KIF6: variants seen among roughly 807,000 people sequenced by gnomAD.
The protein encoded by KIF6 is kinesin family member 6.
A neutral mutation model predicts 112.7 loss-of-function variants in KIF6; 106 were observed. That is an observed-to-expected ratio of 0.94 (90% CI 0.80 to 1.11). The LOEUF (loss-of-function observed/expected upper bound fraction) is 1.11. Ranked by LOEUF, KIF6 falls within the 50% of genes least tolerant of loss-of-function variation. The pLI is 0.00. For missense variants in KIF6, 929 were observed against 964.0 expected, an observed-to-expected ratio of 0.96 and a Z score of 0.48; for synonymous variants, 339 against 339.9, an observed-to-expected ratio of 1.00 and a Z score of 0.03.
chr6:39,589,612 C>A (rs555108416), intron 7 of KIF6, among the ~76,000 whole-genome samples: 1 of 152,276 alleles, frequency 6.6e-6, no homozygotes, highest in Non-Finnish European at 1.5e-5. Flanking sequence ...AAGCAGACAG[C>A]CCTATGTGGG....
intron 5 of KIF6, among the ~76,000 whole-genome samples, chr6:39,620,750 T>TTTTA (rs71543964): frequency 0.041 from 6,118 of 148,606 alleles, 192 homozygotes; most frequent in African/African-American, 0.075. Flanking sequence ...CTTAACAACA[T>TTTTA]TTTATTTATT....
At chr6:39,676,919 C>T (rs909353918) in intron 3 of KIF6, among the ~76,000 whole-genome samples, 12 of 151,690 alleles carry the variant, frequency 7.9e-5, no homozygotes, top group South Asian at 2.1e-4. Flanking sequence ...ACCACTAAAT[C>T]GACTAAAACT....
Position 39,335,542 on chromosome 6 carries a change from C to G in KIF6, c.*990G>C, listed in dbSNP as rs1397133090. The G allele has an allele frequency of 6.6e-6, 1 of 151,198 alleles. No individual in the cohort carries two copies. The highest frequency in any genetic ancestry group is 1.5e-5 in the Non-Finnish European group (1 of 67,816). The allele number at this position is 151,198 out of a possible 1,614,324, so 9.4% of individuals were successfully genotyped here. ...AGAGACACCAGGAGCAGTGGACCAG[C>G]ACTTTTATCCAGTTAGCTTCATTTC... On this transcript the variant is annotated 3_prime_UTR_variant, in exon 23 of 23. Transcript: ENST00000287152.
intron 7 of KIF6, among the ~76,000 whole-genome samples, chr6:39,586,702 T>G (rs1781658268): frequency 6.6e-6 from 1 of 152,148 alleles, no homozygotes; most frequent in Non-Finnish European, 1.5e-5. Context: ...GATTGGAAAA[T>G]TTGTATGAAA....
At chr6:39,585,299 C>A (rs1025441718) in intron 8 of KIF6, among the ~76,000 whole-genome samples, 1 of 152,150 alleles carries the variant, frequency 6.6e-6, no homozygotes, top group African/African-American at 2.4e-5. Flanking sequence ...GAGCGGGCAA[C>A]CTAGATCCCT....
intron 19 of KIF6, among the ~76,000 whole-genome samples, chr6:39,355,420 GT>G (rs1490940386): frequency 1.3e-5 from 2 of 149,278 alleles, no homozygotes; most frequent in African/African-American, 4.9e-5. Flanking sequence ...CCTGGTTGGT[GT>G]TGAGGGCTCA....
intron 4 of KIF6, among the ~76,000 whole-genome samples, chr6:39,637,723 T>G (rs1310226959): frequency 1.3e-5 from 2 of 152,078 alleles, no homozygotes; most frequent in Non-Finnish European, 2.9e-5. Context: ...AACTTCATGA[T>G]GCACTTCAAG....
intron 13 of KIF6, among the ~76,000 whole-genome samples, chr6:39,489,483 A>T (rs529276896): frequency 7.9e-5 from 12 of 152,262 alleles, no homozygotes; most frequent in African/African-American, 2.9e-4. Flanking sequence ...AGGGATAAAG[A>T]TGCAAATTTC....
At chr6:39,708,653 C>T (rs982886597) in intron 3 of KIF6, among the ~76,000 whole-genome samples, 4 of 152,116 alleles carry the variant, frequency 2.6e-5, no homozygotes, top group Non-Finnish European at 5.9e-5. Flanking sequence ...TTCCTACACC[C>T]CAAGCTTTTA....
chr6:39,689,506 T>TAAG (rs1267057215), intron 3 of KIF6, among the ~76,000 whole-genome samples: 1 of 151,618 alleles, frequency 6.6e-6, no homozygotes, highest in Non-Finnish European at 1.5e-5. Flanking sequence ...CAAAAAATAG[T>TAAG]AATAATAATA....
At chr6:39,567,936 A>T (rs1236099264) in intron 10 of KIF6, among the ~76,000 whole-genome samples, 1 of 152,186 alleles carries the variant, frequency 6.6e-6, no homozygotes, top group Non-Finnish European at 1.5e-5. Context: ...CTATCAACAG[A>T]GGCTGGTCCT....
At chr6:39,693,591 A>G (rs1788351345) in intron 3 of KIF6, among the ~76,000 whole-genome samples, 1 of 152,174 alleles carries the variant, frequency 6.6e-6, no homozygotes, top group Non-Finnish European at 1.5e-5. Context: ...TCCTAGAAAC[A>G]CACAATCTCC....
intron 3 of KIF6, among the ~76,000 whole-genome samples, chr6:39,645,161 C>T (rs1785098642): frequency 6.6e-6 from 1 of 152,124 alleles, no homozygotes; most frequent in Admixed American, 6.6e-5. Context: ...TTCTCTCCTT[C>T]CTTTTGCAAA....
chr6:39,598,755 T>C (rs984802544), intron 6 of KIF6, among the ~76,000 whole-genome samples: 1 of 152,034 alleles, frequency 6.6e-6, no homozygotes, highest in African/African-American at 2.4e-5. Context: ...ATTAGTAAAC[T>C]GAGATAATTC....
At chr6:39,442,958 A>C in intron 13 of KIF6, among the ~76,000 whole-genome samples, 1 of 151,526 alleles carries the variant, frequency 6.6e-6, no homozygotes, top group Non-Finnish European at 1.5e-5. Context: ...CTAAAAATAC[A>C]AAAAAATTAG....
At chr6:39,463,195 T>C (rs1773581335) in intron 13 of KIF6, among the ~76,000 whole-genome samples, 1 of 152,168 alleles carries the variant, frequency 6.6e-6, no homozygotes, top group Non-Finnish European at 1.5e-5. Context: ...TCTTATGGTG[T>C]CCCTTCTGTT....
chr6:39,542,083 G>A (rs1475213841), intron 12 of KIF6, among the ~76,000 whole-genome samples: 1 of 152,190 alleles, frequency 6.6e-6, no homozygotes, highest in Non-Finnish European at 1.5e-5. Flanking sequence ...AGGGGATGGT[G>A]TAGGCAGGGC....
At chr6:39,408,926 T>C (rs997807412) in intron 15 of KIF6, among the ~76,000 whole-genome samples, 1 of 152,114 alleles carries the variant, frequency 6.6e-6, no homozygotes, top group African/African-American at 2.4e-5. Flanking sequence ...GGAAGGCCTG[T>C]CCTCCCTTGA....
rs201592417 is a variant in KIF6, at chr6:39,357,340, G to A, written c.2117C>T (p.Thr706Met). Reference protein sequence around the residue: ...NSPAVNSLDHTKPFLQTSDSQ... With the variant: ...NSPAVNSLDHMKPFLQTSDSQ... ...GTCAGATGTCTGGAGAAATGGCTTC[G>A]TGTGATCGAGTGAATTCACTGCTGG... The change falls in exon 19 of 23, where the codon ACG (threonine) becomes ATG (methionine). Residue 706 changes from threonine to methionine, a missense_variant. This residue lies in a region of KIF6 where 241 missense variants were observed against 301.4 expected (regional missense o/e 0.80). Transcript: ENST00000287152. 2.4e-5 allele frequency: 38 copies of A among 1,613,768 alleles called. No individual in the cohort carries two copies. The African/African-American group carries it at 3.1e-4, about 13-fold the overall frequency.
Sources: allele counts gnomAD v4.1 joint callset (sites outside exome capture counted in the v4.1 genomes callset), GRCh38; gene constraint gnomAD v4.1.1; regional missense constraint gnomAD v4.1.1; transcripts MANE v1.5; gene names NCBI Gene and HGNC (gene_info 2026-07-23, HGNC 2026-07-21).